The following STPG2 variants were observed in gnomAD, a reference collection of about 807,000 sequenced individuals.
STPG2 encodes sperm tail PG-rich repeat containing 2, also known as sperm-tail PG-rich repeat-containing protein 2.
STPG2 carries 56 observed loss-of-function variants against 54.2 expected under a neutral mutation model. That is an observed-to-expected ratio of 1.03 (90% confidence interval 0.83 to 1.29). The LOEUF (loss-of-function observed/expected upper bound fraction) is 1.29. Among genes scored for constraint, STPG2 ranks in the 50% most tolerant of loss-of-function variants. The pLI is 0.00. For missense variants in STPG2, 596 were observed against 544.9 expected (o/e 1.09, Z -0.93); for synonymous variants, 200 against 181.8 (o/e 1.10, Z -0.81).
At chr4:97,584,417 ACATCAAAAAGTC>A (rs2148893203) in intron 10 of STPG2, among the ~76,000 whole-genome samples, 1 of 152,172 alleles carries the variant, frequency 6.6e-6, no homozygotes, top group Admixed American at 6.6e-5. Flanking sequence ...TTAAATACCT[ACATCAAAAAGTC>A]TGAGAGAGCA....
intron 2 of STPG2, among the ~76,000 whole-genome samples, chr4:98,132,152 G>T (rs946370555): frequency 3.3e-5 from 5 of 151,920 alleles, no homozygotes; most frequent in Admixed American, 2.6e-4. Flanking sequence ...CTAACACAGA[G>T]TTTCCTCTAT....
chr4:97,824,366 A>T (rs1226241934), intron 9 of STPG2, among the ~76,000 whole-genome samples: 1 of 152,148 alleles, frequency 6.6e-6, no homozygotes, highest in Non-Finnish European at 1.5e-5. Context: ...AAAATCATTC[A>T]AAATTGAATG....
intron 1 of STPG2, among the ~76,000 whole-genome samples, chr4:98,141,838 G>A (rs994656520): frequency 3.3e-5 from 5 of 150,486 alleles, no homozygotes; most frequent in Non-Finnish European, 7.4e-5. Context: ...GGCCATGAAG[G>A]ACTGCTTGGA....
intron 4 of STPG2, among the ~76,000 whole-genome samples, chr4:97,462,869 T>C (rs1446610743): frequency 1.3e-5 from 2 of 152,094 alleles, no homozygotes; most frequent in African/African-American, 4.8e-5. Context: ...AACTCCAGTA[T>C]AGAATTGAAT....
In STPG2 at chr4:97,828,523, C is replaced by T. The variant is rs188390336; in HGVS notation, c.1204+12250G>A. On this transcript the variant is annotated intron_variant, in intron 9 of 10. Transcript: ENST00000295268. ...TTTTTTTTCCATATCCCAATGGCAA[C>T]TGGAATTCCAGCAAGACAAAACCAT... 3.5e-3 allele frequency among the ~76,000 whole-genome samples: 539 copies of T among 151,994 alleles called. 2 individuals carry two copies. Among genetic ancestry groups the T allele is most frequent in the Non-Finnish European group, 6.0e-3 (411 of 67,978 alleles).
chr4:97,897,415 T>C (rs1730997312), intron 8 of STPG2, among the ~76,000 whole-genome samples: 1 of 152,178 alleles, frequency 6.6e-6, no homozygotes. Context: ...CCTTTGGATA[T>C]ATACCCAGTA....
intron 9 of STPG2, among the ~76,000 whole-genome samples, chr4:97,771,385 C>T (rs528567864): frequency 6.6e-6 from 1 of 152,136 alleles, no homozygotes; most frequent in African/African-American, 2.4e-5. Context: ...AAGGGGGACT[C>T]TCCTTCCTAA....
chr4:98,067,807 T>C (rs79628110), intron 5 of STPG2, among the ~76,000 whole-genome samples: 2,292 of 152,268 alleles, frequency 0.015, 57 homozygotes, highest in African/African-American at 0.052. Context: ...GTTTTGGTGG[T>C]TGAAGTCTTG....
intron 8 of STPG2, 98 bp downstream of exon 8, chr4:97,943,799 C>A: frequency 1.2e-6 from 1 of 847,952 alleles, no homozygotes; most frequent in East Asian, 2.9e-5. Flanking sequence ...AGCACGCTAC[C>A]AGTTACCTCA....
chr4:97,863,324 C>G (rs1023834623), intron 8 of STPG2, among the ~76,000 whole-genome samples: 1 of 152,076 alleles, frequency 6.6e-6, no homozygotes, highest in Non-Finnish European at 1.5e-5. Context: ...AACACCTCTA[C>G]GCAAATAAGC....
chr4:97,889,787 T>C (rs1276926602), intron 8 of STPG2, among the ~76,000 whole-genome samples: 2 of 152,226 alleles, frequency 1.3e-5, no homozygotes, highest in African/African-American at 4.8e-5. Flanking sequence ...ATAGTTAATA[T>C]ATTATTCTTG....
At chr4:97,488,627 C>T (rs1730428998) in intron 4 of STPG2, among the ~76,000 whole-genome samples, 1 of 151,598 alleles carries the variant, frequency 6.6e-6, no homozygotes, top group African/African-American at 2.4e-5. Flanking sequence ...TTCAGAAACC[C>T]AGACTCATAG....
intron 5 of STPG2, among the ~76,000 whole-genome samples, chr4:98,085,918 T>C (rs1466411935): frequency 6.6e-6 from 1 of 152,100 alleles, no homozygotes. Context: ...ACAGTCCTCA[T>C]GTTCCTTTTA....
intron 8 of STPG2, among the ~76,000 whole-genome samples, chr4:97,880,655 A>G (rs1161122240): frequency 6.6e-6 from 1 of 152,182 alleles, no homozygotes; most frequent in Non-Finnish European, 1.5e-5. Context: ...AAGACTTGAC[A>G]TTACTAGAAG....
intron 4 of STPG2, among the ~76,000 whole-genome samples, chr4:97,468,360 T>G (rs1022677525): frequency 6.6e-6 from 1 of 152,064 alleles, no homozygotes; most frequent in Non-Finnish European, 1.5e-5. Flanking sequence ...AAGCACATTC[T>G]TTTCTTTTCT....
chr4:97,890,887 A>G (rs1010043643), intron 8 of STPG2, among the ~76,000 whole-genome samples: 8 of 152,042 alleles, frequency 5.3e-5, no homozygotes, highest in African/African-American at 1.9e-4. Flanking sequence ...TACAAACTAT[A>G]TAAACAAATT....
chr4:97,773,325 A>G (rs577124040), intron 9 of STPG2, among the ~76,000 whole-genome samples: 1 of 151,942 alleles, frequency 6.6e-6, no homozygotes, highest in Non-Finnish European at 1.5e-5. Flanking sequence ...TATTATTATT[A>G]TTATTATTTT....
At chr4:97,804,582 A>C (rs922554782) in intron 9 of STPG2, among the ~76,000 whole-genome samples, 1 of 152,216 alleles carries the variant, frequency 6.6e-6, no homozygotes, top group Non-Finnish European at 1.5e-5. Flanking sequence ...AAAAGTTTTT[A>C]AAAATTTGAA....
At chr4:98,091,402 G>A (rs751975968) in intron 5 of STPG2, among the ~76,000 whole-genome samples, 21 of 151,906 alleles carry the variant, frequency 1.4e-4, no homozygotes, top group Admixed American at 2.0e-4. Flanking sequence ...TCACACCTTC[G>A]TGGCTTTACA....
Sources: gnomAD v4.1 joint callset for allele counts (sites outside exome capture counted in the v4.1 genomes callset) on GRCh38, gnomAD v4.1.1 for gene constraint, MANE v1.5 for transcripts, NCBI Gene and HGNC (gene_info 2026-07-23, HGNC 2026-07-21) for gene names.